The following GLT1D1 variants were observed in gnomAD, a reference collection of about 807,000 sequenced individuals.
The protein encoded by GLT1D1 is glycosyltransferase 1 domain containing 1, also known as glycosyltransferase 1 domain-containing protein 1.
Under a neutral mutation model 28.7 loss-of-function variants are expected in GLT1D1, and 21 were observed. The observed-to-expected ratio is 0.73, with a 90% CI of 0.52 to 1.05. The LOEUF (loss-of-function observed/expected upper bound fraction) is 1.05, where lower values mean the gene tolerates loss of function less well. GLT1D1 is among the 50% of genes least tolerant of loss of function. GLT1D1 has a pLI of 0.00. For synonymous variants in GLT1D1, 147 were observed against 124.8 expected, an observed-to-expected ratio of 1.18 and a Z score of -1.19; for missense variants, 343 against 330.6, an observed-to-expected ratio of 1.04 and a Z score of -0.29.
chr12:128,885,740 T>C (rs1957160343), intron 2 of GLT1D1, among the ~76,000 whole-genome samples: 1 of 152,228 alleles, frequency 6.6e-6, no homozygotes, highest in Non-Finnish European at 1.5e-5. Flanking sequence ...GCTGTCATCT[T>C]AAGTACTAAA....
Position 128,888,034 on chromosome 12 carries a change from C to T in GLT1D1, c.218-605C>T, listed in dbSNP as rs1018682357. 2.6e-5 allele frequency among the ~76,000 whole-genome samples: 4 copies of T among 152,316 alleles called. No homozygotes were observed. The East Asian group carries it at 7.7e-4, about 29-fold the overall frequency. ...GGACTCACACACTGCCTCCCATCCG[C>T]ACAGGACGCGTCACTCGGAATATAC... On this transcript the variant is annotated intron_variant, in intron 2 of 7. Transcript: ENST00000281703.
At chr12:128,906,585 G>A (rs1489804427) in intron 4 of GLT1D1, among the ~76,000 whole-genome samples, 1 of 151,996 alleles carries the variant, frequency 6.6e-6, no homozygotes, top group Non-Finnish European at 1.5e-5. Flanking sequence ...AAAAAATCCT[G>A]TTTGAGTAAA....
rs144235857 is a variant in GLT1D1, at chr12:128,944,714, T to C, written c.376-612T>C. On this transcript the variant is annotated intron_variant, in intron 4 of 7. Transcript: ENST00000281703. The stretch of plus-strand genomic sequence containing the variant: ...AGCTAGACTGGGTGAGATTTTGCAG[T>C]TCCTGAAGGGCCACGCCAAGATGAC... 1,382 of 639,524 alleles carry C rather than the reference T, an allele frequency of 2.2e-3. 15 individuals are homozygous for C. The African/African-American group carries it at 0.022, about 10-fold the overall frequency. 39.6% of individuals were successfully genotyped at this position (639,524 alleles called of 1,614,324 possible). A position where few individuals can be genotyped will look rare whatever the true frequency, so the allele number is the denominator to read the frequency against.
At chr12:128,979,875 C>A (rs1227268939) in intron 7 of GLT1D1, among the ~76,000 whole-genome samples, 1 of 152,238 alleles carries the variant, frequency 6.6e-6, no homozygotes, top group African/African-American at 2.4e-5. Context: ...TGTCATCCAA[C>A]ACAAAGACTG....
At chr12:128,903,919 C>T (rs1337832070) in intron 4 of GLT1D1, among the ~76,000 whole-genome samples, 3 of 151,536 alleles carry the variant, frequency 2.0e-5, no homozygotes, top group South Asian at 2.1e-4. Context: ...TTGGTAGAGA[C>T]GGGGTTTCAC....
At chr12:128,939,399 TAAA>T (rs772160842) in intron 4 of GLT1D1, among the ~76,000 whole-genome samples, 3 of 116,546 alleles carry the variant, frequency 2.6e-5, no homozygotes, top group Admixed American at 1.8e-4. Context: ...CTGTCTCTAC[TAAA>T]AAAAAAAAAA....
chr12:128,914,368 T>A (rs551908109), intron 4 of GLT1D1, among the ~76,000 whole-genome samples: 6 of 152,272 alleles, frequency 3.9e-5, no homozygotes, highest in Non-Finnish European at 8.8e-5. Context: ...CGTTTGGGCC[T>A]GTCATGGATC....
intron 4 of GLT1D1, among the ~76,000 whole-genome samples, chr12:128,924,542 C>T (rs548129893): frequency 2.6e-5 from 4 of 152,038 alleles, no homozygotes; most frequent in South Asian, 2.1e-4. Context: ...CTGCAACCTC[C>T]GCCTCCCGGG....
At chr12:128,939,113 G>A (rs908455777) in intron 4 of GLT1D1, among the ~76,000 whole-genome samples, 7 of 152,088 alleles carry the variant, frequency 4.6e-5, no homozygotes, top group African/African-American at 7.2e-5. Flanking sequence ...GTCGTGTCAC[G>A]GTGAGGTTTC....
intron 4 of GLT1D1, among the ~76,000 whole-genome samples, chr12:128,936,088 A>T (rs1874523574): frequency 6.6e-6 from 1 of 152,092 alleles, no homozygotes; most frequent in Non-Finnish European, 1.5e-5. Flanking sequence ...CGATGAGTGA[A>T]CACTTGGACG....
At position 128,853,997 on chromosome 12, in the gene GLT1D1, G is replaced by T. The variant is rs115439639; in HGVS notation, c.68+348G>T. ...CAGGATCCGCAGGGATGCGCAGCGG[G>T]GTCCGCGGAGCTCCCGGCGGGGGCG... On this transcript the variant is annotated intron_variant, in intron 1 of 7. Transcript: ENST00000281703. Among the ~76,000 whole-genome samples the T allele has an allele frequency of 2.5e-3, 382 of 152,176 alleles. 4 individuals are homozygous for T. Among genetic ancestry groups the T allele is most frequent in the African/African-American group, 8.4e-3 (348 of 41,532 alleles).
At chr12:128,965,179 G>T (rs546674550) in intron 7 of GLT1D1, among the ~76,000 whole-genome samples, 1 of 152,196 alleles carries the variant, frequency 6.6e-6, no homozygotes, top group African/African-American at 2.4e-5. Flanking sequence ...GCCTGACCTC[G>T]TCATCAGAGC....
At chr12:128,895,873 G>A (rs1869572592) in intron 3 of GLT1D1, among the ~76,000 whole-genome samples, 1 of 152,182 alleles carries the variant, frequency 6.6e-6, no homozygotes, top group African/African-American at 2.4e-5. Context: ...AGAAATCAGA[G>A]AGAGAAATTA....
intron 6 of GLT1D1, among the ~76,000 whole-genome samples, chr12:128,948,247 G>A (rs916142825): frequency 2.6e-5 from 4 of 152,128 alleles, no homozygotes; most frequent in Non-Finnish European, 5.9e-5. Flanking sequence ...TATCTTCGGT[G>A]CTTGATATTA....
intron 1 of GLT1D1, among the ~76,000 whole-genome samples, chr12:128,870,572 A>AT (rs1218230456): frequency 6.6e-6 from 1 of 152,230 alleles, no homozygotes; most frequent in Non-Finnish European, 1.5e-5. Context: ...ACATAGATCG[A>AT]TTTAAAGGTG....
intron 4 of GLT1D1, chr12:128,927,108 G>A (rs1404434134): frequency 2.6e-6 from 4 of 1,535,432 alleles, no homozygotes; most frequent in Non-Finnish European, 3.5e-6. Flanking sequence ...TCCCAAGCCT[G>A]GCATCAGGAG....
At chr12:128,864,131 A>G (rs1005057074) in intron 1 of GLT1D1, 10 of 678,278 alleles carry the variant, frequency 1.5e-5, no homozygotes, top group East Asian at 5.6e-5. Flanking sequence ...CGGCTGGGGC[A>G]GGAGAGTCTT....
At chr12:128,944,162 T>G in intron 4 of GLT1D1, 2 of 351,380 alleles carry the variant, frequency 5.7e-6, no homozygotes, top group Non-Finnish European at 1.1e-5. Flanking sequence ...AGTCATATAA[T>G]TTTCAAAGAA....
At chr12:128,931,968 T>C (rs935564195) in intron 4 of GLT1D1, among the ~76,000 whole-genome samples, 3 of 151,736 alleles carry the variant, frequency 2.0e-5, no homozygotes, top group Non-Finnish European at 4.4e-5. Context: ...TCCTACAAAA[T>C]GCATCTCTGT....
Sources: gnomAD v4.1 joint callset for allele counts (sites outside exome capture counted in the v4.1 genomes callset) on GRCh38, gnomAD v4.1.1 for gene constraint, MANE v1.5 for transcripts, NCBI Gene and HGNC (gene_info 2026-07-23, HGNC 2026-07-21) for gene names.